ZC3H13: variants seen among roughly 807,000 people sequenced by gnomAD.
The protein encoded by ZC3H13 is zinc finger CCCH domain-containing protein 13.
In ZC3H13, 64 loss-of-function variants were observed where a neutral mutation model predicts 204.1. That is an observed-to-expected ratio of 0.31 (90% CI 0.26 to 0.39). The LOEUF is 0.39. ZC3H13 is among the 10% of genes least tolerant of loss of function. The pLI, the probability that ZC3H13 is intolerant of heterozygous loss-of-function variation, is 1.00. For synonymous variants in ZC3H13, 667 were observed against 693.7 expected, an observed-to-expected ratio of 0.96 and a Z score of 0.60; for missense variants, 1,833 against 2,082.7, an observed-to-expected ratio of 0.88 and a Z score of 2.33.
chr13:45,970,455 T>C lies in ZC3H13; in HGVS notation c.2479A>G (p.Arg827Gly). The C allele has an allele frequency of 3.1e-6, 5 of 1,612,550 alleles. No individual in the cohort carries two copies. Among genetic ancestry groups the C allele is most frequent in the Non-Finnish European group, 4.2e-6 (5 of 1,179,252 alleles). ...CTAGGGCTGGGACTCCCTTCATTTC[T>C]ATAGCGCTTCCTAAATTGGACAAGC... ...HDERKSKKRY[R>G]NEGSPSPRQS... is the part of the protein sequence containing the mutation. The change falls in exon 13 of 19, where the codon AGA becomes GGA. Residue 827 changes from arginine (R) to glycine (G), a missense_variant. Arg to Gly is a moderately radical substitution (Grantham distance 125). This residue lies in a region of ZC3H13 where 1,574 missense variants were observed against 1,757.2 expected (regional missense o/e 0.90). Coordinates refer to ENST00000679008, the MANE Select transcript of ZC3H13 (RefSeq NM_001330564.2).
intron 4 of ZC3H13, among the ~76,000 whole-genome samples, chr13:46,039,779 G>C (rs1170983857): frequency 6.6e-6 from 1 of 152,156 alleles, no homozygotes; most frequent in Non-Finnish European, 1.5e-5. Context: ...TTGTGTGTCT[G>C]TTTATAATAT....
chr13:46,026,567 A>C (rs1381657388), intron 4 of ZC3H13, among the ~76,000 whole-genome samples: 1 of 152,092 alleles, frequency 6.6e-6, no homozygotes, highest in African/African-American at 2.4e-5. Flanking sequence ...TTAGGCTACA[A>C]AGAAAATCTC....
chr13:45,989,050 T>C lies in ZC3H13; in HGVS notation c.992A>G (p.His331Arg). 2 of 1,614,172 alleles carry C rather than the reference T, an allele frequency of 1.2e-6. No homozygotes were observed. The highest frequency in any genetic ancestry group is 1.7e-6 in the Non-Finnish European group (2 of 1,180,020). The part of the protein sequence containing the change: ...GQHHSPISSR[H>R]HSSSSQSGSS... ...TCCTGATTGTGAGGAAGATGAGTGA[T>C]GTCTAGAAGATATAGGAGAATGATG... Residue 331 changes from histidine (H) to arginine (R), a missense_variant, in exon 9 of 19, where the codon CAT (histidine) becomes CGT (arginine). By Grantham distance (29) the His-to-Arg change is conservative. Coordinates refer to ENST00000679008, the MANE Select transcript of ZC3H13 (RefSeq NM_001330564.2).
chr13:45,972,459 G>A (rs1952665535), intron 12 of ZC3H13, among the ~76,000 whole-genome samples: 1 of 152,106 alleles, frequency 6.6e-6, no homozygotes, highest in African/African-American at 2.4e-5. Flanking sequence ...GGGTGGAAGG[G>A]GAGTGAGGGA....
At chr13:45,983,413 A>ATATATATATATATATATATATT (rs1555277663) in intron 10 of ZC3H13, among the ~76,000 whole-genome samples, 1 of 31,132 alleles carries the variant, frequency 3.2e-5, no homozygotes, top group Non-Finnish European at 4.9e-5. Context: ...ATATATATAT[A>ATATATATATATATATATATATT]TTTTTTTTTT....
In ZC3H13 at chr13:46,045,437, G is replaced by C. The variant is rs768585843; in HGVS notation, c.71C>G (p.Pro24Arg). 1 of 1,613,996 alleles carries C rather than the reference G, an allele frequency of 6.2e-7. No individual in the cohort carries two copies. The highest frequency in any genetic ancestry group is 8.5e-7 in the Non-Finnish European group (1 of 1,179,978). Residue 24 changes from proline to arginine, a missense_variant, in exon 2 of 19, where the codon CCC becomes CGC. By Grantham distance (103) the Pro-to-Arg change is moderately radical (BLOSUM62 -2). Around this residue, in one of 5 missense-constraint regions of ZC3H13, gnomAD observed 24 missense variants for 27.6 expected, o/e 0.87. Coordinates refer to ENST00000679008, the MANE Select transcript of ZC3H13 (RefSeq NM_001330564.2). Reference protein sequence around the residue: ...KTISDSTSRRPSVFERLGPST... With the variant: ...KTISDSTSRRRSVFERLGPST... ...GGGTCCAAGCCTCTCAAATACACTG[G>C]GTCTTCGGGATGTGCTATCAGATAT...
intron 17 of ZC3H13, chr13:45,963,065 G>A (rs1386536336): frequency 9.1e-6 from 9 of 984,596 alleles, no homozygotes; most frequent in African/African-American, 1.7e-5. Flanking sequence ...CTATATGCCA[G>A]GAACTGTTCT....
intron 7 of ZC3H13, among the ~76,000 whole-genome samples, chr13:46,007,494 C>T (rs2041236894): frequency 1.3e-5 from 2 of 152,176 alleles, no homozygotes; most frequent in African/African-American, 4.8e-5. Flanking sequence ...CTCATTTTGA[C>T]TTTACGTGAG....
In ZC3H13 at chr13:45,957,007, G is replaced by T; in HGVS notation, c.*120C>A. 1 of 945,054 alleles carries T rather than the reference G, an allele frequency of 1.1e-6. No homozygotes were observed. The highest frequency in any genetic ancestry group is 1.4e-6 in the Non-Finnish European group (1 of 707,508). The allele number at this position is 945,054 out of a possible 1,614,324, so 58.5% of individuals were successfully genotyped here. A position where few individuals can be genotyped will look rare whatever the true frequency, so the allele number is the denominator to read the frequency against. Reference sequence around the variant, plus strand: ...AAGATCAAAATTCTTCACTCTTTTAGCATGGCTGATAAATCTTTTCTGCCT... The same window carrying T: ...AAGATCAAAATTCTTCACTCTTTTATCATGGCTGATAAATCTTTTCTGCCT... On this transcript the variant is annotated 3_prime_UTR_variant, in exon 19 of 19. Transcript: ENST00000679008.
intron 4 of ZC3H13, among the ~76,000 whole-genome samples, chr13:46,026,517 T>C (rs1427603636): frequency 6.6e-6 from 1 of 152,078 alleles, no homozygotes; most frequent in Non-Finnish European, 1.5e-5. Flanking sequence ...TACACCTTTT[T>C]TTTAAAGCAT....
intron 17 of ZC3H13, among the ~76,000 whole-genome samples, chr13:45,961,804 A>T (rs1217957763): frequency 1.3e-5 from 2 of 152,118 alleles, no homozygotes; most frequent in Non-Finnish European, 2.9e-5. Context: ...CATGATTATT[A>T]ACCCACTGCA....
intron 9 of ZC3H13, among the ~76,000 whole-genome samples, chr13:45,986,427 T>C (rs1593545849): frequency 6.6e-6 from 1 of 152,180 alleles, no homozygotes; most frequent in Admixed American, 6.5e-5. Flanking sequence ...ATGAGACTTT[T>C]TCTCTTTAAA....
At chr13:46,034,167 G>A (rs559983428) in intron 4 of ZC3H13, among the ~76,000 whole-genome samples, 37 of 152,226 alleles carry the variant, frequency 2.4e-4, no homozygotes, top group Middle Eastern at 3.4e-3. Flanking sequence ...GTGTTGGTAA[G>A]AATACAGAGA....
intron 4 of ZC3H13, 60 bp downstream of exon 4, chr13:46,042,104 A>T: frequency 7.7e-7 from 1 of 1,297,570 alleles, no homozygotes; most frequent in African/African-American, 1.5e-5. Flanking sequence ...ATTTAAAATG[A>T]AACTCAAATT....
At position 45,957,155 on chromosome 13, in the gene ZC3H13, C is replaced by T; in HGVS notation, c.4982G>A (p.Ser1661Asn). The T allele has an allele frequency of 6.5e-7, 1 of 1,545,356 alleles. No homozygotes were observed. Among genetic ancestry groups the T allele is most frequent in the South Asian group, 1.2e-5 (1 of 82,652 alleles). ...AGACACACACAGTTCCTGTTGGATA[C>T]TGGACTGTGAAAGTTTATTATCTTC... ...KTEDNKLSQS[S>N]IQQELCVS Residue 1661 changes from serine to asparagine, a missense_variant, in exon 19 of 19, where the codon AGT (serine) becomes AAT (asparagine). By Grantham distance (46) the Ser-to-Asn change is conservative. This residue lies in a region of ZC3H13 where 211 missense variants were observed against 228.4 expected (regional missense o/e 0.92). Coordinates refer to ENST00000679008, the MANE Select transcript of ZC3H13 (RefSeq NM_001330564.2).
intron 17 of ZC3H13, among the ~76,000 whole-genome samples, chr13:45,961,215 A>G (rs4142548): frequency 0.74 from 111,697 of 151,924 alleles, 41,366 homozygotes; most frequent in African/African-American, 0.8. Context: ...AAACAAAAAC[A>G]AAAACATTAA....
chr13:46,010,219 C>T, intron 7 of ZC3H13, 129 bp downstream of exon 7: 1 of 967,760 alleles, frequency 1.0e-6, no homozygotes, highest in Non-Finnish European at 1.4e-6. Context: ...TTTCAAATTT[C>T]TTTTTAGAAC....
At chr13:45,984,812 T>C (rs548195369) in intron 10 of ZC3H13, among the ~76,000 whole-genome samples, 5 of 152,156 alleles carry the variant, frequency 3.3e-5, no homozygotes, top group African/African-American at 7.2e-5. Context: ...GGCAAATACT[T>C]TTTATGAAAA....
At chr13:45,957,670 G>A (rs578205971) in intron 18 of ZC3H13, among the ~76,000 whole-genome samples, 67 of 152,130 alleles carry the variant, frequency 4.4e-4, no homozygotes, top group Non-Finnish European at 7.9e-4. Context: ...GCTCTTCTAT[G>A]GTGCTACACT....
Sources: gnomAD v4.1 joint callset for allele counts (sites outside exome capture counted in the v4.1 genomes callset) on GRCh38, gnomAD v4.1.1 for gene constraint, gnomAD v4.1.1 regional missense constraint, MANE v1.5 for transcripts, NCBI Gene and HGNC (gene_info 2026-07-23, HGNC 2026-07-21) for gene names.